Variants in KCNH8 observed in about 807,000 individuals in gnomAD.
KCNH8 encodes potassium voltage-gated channel subfamily H member 8.
In KCNH8, 70 loss-of-function variants were observed where a neutral mutation model predicts 103.6. The ratio of observed to expected loss-of-function variants is 0.68; its 90% CI spans 0.56 to 0.82. The LOEUF is 0.82. Among genes scored for constraint, KCNH8 ranks in the 40% least tolerant of loss-of-function variants. KCNH8 has a pLI of 0.00. For missense variants in KCNH8, 1,217 were observed against 1,329.9 expected (o/e 0.92, Z 1.32); for synonymous variants, 498 against 489.4 (o/e 1.02, Z -0.23).
intron 7 of KCNH8, among the ~76,000 whole-genome samples, chr3:19,396,347 T>C (rs985041818): frequency 6.6e-6 from 1 of 152,002 alleles, no homozygotes; most frequent in Non-Finnish European, 1.5e-5. Flanking sequence ...GCATAGGACA[T>C]ATACAAAGCC....
chr3:19,477,314 A>G (rs987957666), intron 11 of KCNH8, among the ~76,000 whole-genome samples: 2 of 152,176 alleles, frequency 1.3e-5, no homozygotes, highest in African/African-American at 4.8e-5. Context: ...ACTTTTATTC[A>G]TAATCAATAT....
At chr3:19,360,743 A>G (rs1016199229) in intron 5 of KCNH8, among the ~76,000 whole-genome samples, 1 of 152,058 alleles carries the variant, frequency 6.6e-6, no homozygotes, top group Non-Finnish European at 1.5e-5. Context: ...AAAAGAAATC[A>G]TTTATAATAA....
At chr3:19,282,675 C>T (rs1444081247) in intron 3 of KCNH8, among the ~76,000 whole-genome samples, 3 of 152,042 alleles carry the variant, frequency 2.0e-5, no homozygotes, top group African/African-American at 4.8e-5. Flanking sequence ...ATACAAATTC[C>T]TTAATTATCT....
chr3:19,394,691 A>T (rs1022101748), intron 6 of KCNH8, among the ~76,000 whole-genome samples: 17 of 151,988 alleles, frequency 1.1e-4, no homozygotes, highest in African/African-American at 3.4e-4. Context: ...AATTTGTCTG[A>T]ATTATTATTA....
chr3:19,488,278 T>C (rs945216688), intron 11 of KCNH8, among the ~76,000 whole-genome samples: 1 of 152,242 alleles, frequency 6.6e-6, no homozygotes, highest in African/African-American at 2.4e-5. Flanking sequence ...CCTCCTTTTC[T>C]TTCCCTTTTG....
chr3:19,150,355 T>C (rs2125177550), intron 1 of KCNH8, among the ~76,000 whole-genome samples: 1 of 152,312 alleles, frequency 6.6e-6, no homozygotes, highest in Non-Finnish European at 1.5e-5. Context: ...GGATGTTTTT[T>C]TTTTTGAAGT....
intron 11 of KCNH8, among the ~76,000 whole-genome samples, chr3:19,500,850 C>G (rs1288653323): frequency 1.3e-5 from 2 of 152,036 alleles, no homozygotes; most frequent in Admixed American, 1.3e-4. Context: ...AATTGACACC[C>G]TAACATGACA....
At chr3:19,361,818 A>G (rs546204580) in intron 5 of KCNH8, among the ~76,000 whole-genome samples, 4 of 152,274 alleles carry the variant, frequency 2.6e-5, no homozygotes, top group South Asian at 4.1e-4. Context: ...AAATTTTTCT[A>G]TCTCAGAATC....
intron 5 of KCNH8, among the ~76,000 whole-genome samples, chr3:19,365,839 G>A (rs1030278834): frequency 1.3e-5 from 2 of 152,016 alleles, no homozygotes; most frequent in East Asian, 3.9e-4. Flanking sequence ...CAGTGGCCAC[G>A]CAAAGTATAA....
chr3:19,390,471 T>TC lies in KCNH8; in HGVS notation c.812-7dup. 1.3e-6 allele frequency: 2 copies of TC among 1,599,406 alleles called. No individual in the cohort carries two copies. The highest frequency in any genetic ancestry group is 2.2e-5 in the South Asian group (2 of 89,854). On this transcript the variant is annotated splice_polypyrimidine_tract_variant and intron_variant, in intron 5 of 15. Transcript: ENST00000328405. Reference sequence around the variant, plus strand: ...TCCTTTTATTTCTCAACCTTTTTTTTCCCAAGCAGATATTATTTTAAATTT... The same window carrying TC: ...TCCTTTTATTTCTCAACCTTTTTTTTCCCCAAGCAGATATTATTTTAAATTT...
intron 5 of KCNH8, among the ~76,000 whole-genome samples, chr3:19,358,379 A>G: frequency 6.6e-6 from 1 of 151,164 alleles, no homozygotes; most frequent in East Asian, 1.9e-4. Flanking sequence ...AGGGTACACA[A>G]TGAAGATATT....
intron 12 of KCNH8, among the ~76,000 whole-genome samples, chr3:19,510,846 A>G (rs2068771484): frequency 6.6e-6 from 1 of 152,204 alleles, no homozygotes; most frequent in Non-Finnish European, 1.5e-5. Context: ...GTTTCCCGAA[A>G]AAACTAATTT....
chr3:19,160,329 A>AT (rs894470685), intron 1 of KCNH8, among the ~76,000 whole-genome samples: 12 of 151,848 alleles, frequency 7.9e-5, no homozygotes, highest in African/African-American at 2.4e-4. Context: ...TCATTTATTC[A>AT]TTTTTTTTGG....
intron 2 of KCNH8, among the ~76,000 whole-genome samples, chr3:19,258,905 T>TTCTCTCTCTC (rs755488116): frequency 7.4e-4 from 32 of 43,074 alleles, no homozygotes; most frequent in East Asian, 1.4e-3. Flanking sequence ...TATTTTCTGT[T>TTCTCTCTCTC]TCTCTCTCTC....
At chr3:19,313,604 T>C (rs367692623) in intron 3 of KCNH8, among the ~76,000 whole-genome samples, 46 of 151,900 alleles carry the variant, frequency 3.0e-4, no homozygotes, top group African/African-American at 1.0e-3. Context: ...GTTTGTCACA[T>C]GCAGTATTAC....
chr3:19,435,537 TC>T (rs2067186728), intron 7 of KCNH8, among the ~76,000 whole-genome samples: 1 of 152,176 alleles, frequency 6.6e-6, no homozygotes, highest in Non-Finnish European at 1.5e-5. Context: ...AAGGAAGCCC[TC>T]ACATGGGCTC....
At chr3:19,487,702 C>G (rs530623490) in intron 11 of KCNH8, among the ~76,000 whole-genome samples, 1 of 152,194 alleles carries the variant, frequency 6.6e-6, no homozygotes, top group South Asian at 2.1e-4. Flanking sequence ...ATTCTTTTTC[C>G]TGGGGGACCG....
intron 3 of KCNH8, among the ~76,000 whole-genome samples, chr3:19,311,559 T>C (rs2065208913): frequency 6.6e-6 from 1 of 151,798 alleles, no homozygotes; most frequent in Non-Finnish European, 1.5e-5. Context: ...GGCTGTCTTG[T>C]ATTAATTTGT....
At chr3:19,161,370 C>A (rs1295970795) in intron 1 of KCNH8, among the ~76,000 whole-genome samples, 11 of 152,046 alleles carry the variant, frequency 7.2e-5, no homozygotes, top group Admixed American at 7.2e-4. Flanking sequence ...CAATTTATTC[C>A]TTTTTTCGAG....
Sources: allele counts gnomAD v4.1 joint callset (sites outside exome capture counted in the v4.1 genomes callset), GRCh38; gene constraint gnomAD v4.1.1; transcripts MANE v1.5; gene names NCBI Gene and HGNC (gene_info 2026-07-23, HGNC 2026-07-21).